The following RPS6KA5 variants were observed in gnomAD, a reference collection of about 807,000 sequenced individuals.
RPS6KA5 encodes the protein ribosomal protein S6 kinase alpha-5.
A neutral mutation model predicts 85.5 loss-of-function variants in RPS6KA5; 27 were observed. That is an observed-to-expected ratio of 0.32 (90% CI 0.23 to 0.44). The LOEUF is 0.44. RPS6KA5 is among the 20% of genes least tolerant of loss of function. The pLI is 1.00. For synonymous variants in RPS6KA5, 334 were observed against 348.2 expected, an observed-to-expected ratio of 0.96 and a Z score of 0.46; for missense variants, 811 against 980.9, an observed-to-expected ratio of 0.83 and a Z score of 2.31.
At chr14:91,058,288 C>T (rs990415550) in intron 1 of RPS6KA5, among the ~76,000 whole-genome samples, 1 of 152,202 alleles carries the variant, frequency 6.6e-6, no homozygotes, top group Non-Finnish European at 1.5e-5. Context: ...ATCTCACCAT[C>T]CATCAGAAAA....
rs145647973 is a variant in RPS6KA5, at chr14:91,059,652, T to A, written c.103+680A>T. ...AACGTAAGCGCTGAAGCCTGCTCGT[T>A]AGTTCCTTTTACCTGGAGCTTTAAA... On this transcript the variant is annotated intron_variant, in intron 1 of 16. Coordinates refer to ENST00000614987, the MANE Select transcript of RPS6KA5 (RefSeq NM_004755.4). Among the ~76,000 whole-genome samples the A allele has an allele frequency of 2.0e-5, 3 of 152,346 alleles. No homozygotes were observed. In the East Asian group the frequency reaches 5.8e-4, roughly 29 times the overall value.
chr14:90,997,973 A>G (rs535275979), intron 2 of RPS6KA5, among the ~76,000 whole-genome samples: 94 of 138,310 alleles, frequency 6.8e-4, no homozygotes, highest in Non-Finnish European at 1.1e-3. Context: ...GCGCCACTGC[A>G]CTCCAACCTG....
At position 90,863,302 on chromosome 14, in the gene RPS6KA5, C is replaced by CAAAAAAAAAAAAAAAAA. The variant is rs61230626; in HGVS notation, c.*8755_*8771dup. The stretch of plus-strand genomic sequence containing the variant: ...TGGGTGGCAGAGCGAGACTCCGTCT[C>CAAAAAAAAAAAAAAAAA]AAAAAAAAAAAAAAAAAAAAAAAAA... On this transcript the variant is annotated 3_prime_UTR_variant, in exon 17 of 17. Coordinates refer to ENST00000614987, the MANE Select transcript of RPS6KA5 (RefSeq NM_004755.4). 20 of 24,790 alleles carry CAAAAAAAAAAAAAAAAA rather than the reference C, an allele frequency of 8.1e-4. No homozygotes were observed. The highest frequency in any genetic ancestry group is 1.6e-3 in the Non-Finnish European group (18 of 11,450). 1.5% of individuals were successfully genotyped at this position (24,790 alleles called of 1,614,324 possible). A position where few individuals can be genotyped will look rare whatever the true frequency, so the allele number is the denominator to read the frequency against.
intron 5 of RPS6KA5, among the ~76,000 whole-genome samples, chr14:90,924,762 C>T (rs949763943): frequency 1.3e-5 from 2 of 152,190 alleles, no homozygotes; most frequent in African/African-American, 2.4e-5. Context: ...GGCTTCATTG[C>T]TCCTTAGAGA....
intron 7 of RPS6KA5, among the ~76,000 whole-genome samples, chr14:90,911,660 A>G (rs368552332): frequency 4.5e-4 from 69 of 152,386 alleles, no homozygotes; most frequent in African/African-American, 1.6e-3. Flanking sequence ...TTATGTTTAC[A>G]GAGAGTTTTC....
chr14:91,026,353 C>T (rs2041990257), intron 1 of RPS6KA5, among the ~76,000 whole-genome samples: 1 of 152,108 alleles, frequency 6.6e-6, no homozygotes, highest in South Asian at 2.1e-4. Context: ...ACCTCAGCTT[C>T]CCTAGGAGCT....
At chr14:91,021,850 A>T (rs1382753364) in intron 1 of RPS6KA5, among the ~76,000 whole-genome samples, 2 of 151,810 alleles carry the variant, frequency 1.3e-5, no homozygotes, top group Non-Finnish European at 2.9e-5. Flanking sequence ...TGAGAACTTC[A>T]TTTGTTCTCT....
chr14:90,954,873 C>T (rs963437412), intron 3 of RPS6KA5, among the ~76,000 whole-genome samples: 3 of 152,174 alleles, frequency 2.0e-5, no homozygotes, highest in Non-Finnish European at 2.9e-5. Context: ...ACATAAATAA[C>T]AAAACTGTAT....
intron 1 of RPS6KA5, among the ~76,000 whole-genome samples, chr14:91,047,249 G>A (rs1301161336): frequency 6.6e-6 from 1 of 152,004 alleles, no homozygotes; most frequent in Admixed American, 6.6e-5. Flanking sequence ...AAAGAACAAG[G>A]GCACAAAACA....
chr14:90,911,244 C>T (rs2035803196), intron 7 of RPS6KA5: 1 of 152,156 alleles, frequency 6.6e-6, no homozygotes, highest in African/African-American at 2.4e-5. Context: ...TAGCACATAG[C>T]AACTCCTCAA....
At chr14:90,905,587 CATT>C (rs1485716089) in intron 8 of RPS6KA5, among the ~76,000 whole-genome samples, 4 of 152,072 alleles carry the variant, frequency 2.6e-5, no homozygotes, top group African/African-American at 9.7e-5. Context: ...AGAATGGTCT[CATT>C]AGGCTTTTTC....
At chr14:91,025,353 T>G (rs1362301153) in intron 1 of RPS6KA5, among the ~76,000 whole-genome samples, 2 of 152,206 alleles carry the variant, frequency 1.3e-5, no homozygotes, top group Admixed American at 6.6e-5. Context: ...CTCCTTTTTT[T>G]CATTGAGTCT....
chr14:90,929,555 G>A lies in RPS6KA5; in HGVS notation c.619-6359C>T, dbSNP rs532221416. On this transcript the variant is annotated intron_variant, in intron 5 of 16. Coordinates refer to ENST00000614987, the MANE Select transcript of RPS6KA5 (RefSeq NM_004755.4). ...AATAGAAATAAGTCTAATAATATAT[G>A]TATAAAATATTACAGATAATAGTAC... 4.6e-5 allele frequency among the ~76,000 whole-genome samples: 7 copies of A among 152,138 alleles called. No individual in the cohort carries two copies. The East Asian group carries it at 1.3e-3, about 29-fold the overall frequency.
At chr14:91,017,535 A>G (rs1244862451) in intron 1 of RPS6KA5, among the ~76,000 whole-genome samples, 1 of 152,188 alleles carries the variant, frequency 6.6e-6, no homozygotes, top group African/African-American at 2.4e-5. Context: ...CCTCTGGAAG[A>G]CTCAGGTACA....
intron 3 of RPS6KA5, among the ~76,000 whole-genome samples, chr14:90,976,788 A>G (rs950743083): frequency 2.6e-5 from 4 of 152,228 alleles, no homozygotes; most frequent in African/African-American, 9.6e-5. Flanking sequence ...ATAAAGATTT[A>G]GAATTGTTAA....
chr14:91,016,648 G>A (rs2041509980), intron 1 of RPS6KA5, among the ~76,000 whole-genome samples: 2 of 151,972 alleles, frequency 1.3e-5, no homozygotes, highest in Admixed American at 6.6e-5. Flanking sequence ...ATAAAGTGAG[G>A]GATGCACAGC....
intron 12 of RPS6KA5, 49 bp from the exon 13 acceptor site, chr14:90,894,632 T>C: frequency 1.3e-6 from 2 of 1,579,028 alleles, no homozygotes; most frequent in Non-Finnish European, 1.7e-6. Context: ...AGCACAGAAG[T>C]CTATTAACAT....
At chr14:91,028,850 G>A (rs946523123) in intron 1 of RPS6KA5, among the ~76,000 whole-genome samples, 2 of 152,082 alleles carry the variant, frequency 1.3e-5, no homozygotes, top group South Asian at 4.1e-4. Context: ...TAATATACAC[G>A]CACATGGGTT....
In RPS6KA5 at chr14:90,982,169, G is replaced by A. The variant is rs542534662; in HGVS notation, c.176-3645C>T. 3.9e-5 allele frequency among the ~76,000 whole-genome samples: 6 copies of A among 152,226 alleles called. No individual in the cohort carries two copies. In the South Asian group the frequency reaches 1.2e-3, roughly 32 times the overall value. Reference sequence around the variant, plus strand: ...CAACTGGATGAATGACTGCCTGCAAGTGCAGCCAACTCCTGCCTTTCATTC... The same window carrying A: ...CAACTGGATGAATGACTGCCTGCAAATGCAGCCAACTCCTGCCTTTCATTC... On this transcript the variant is annotated intron_variant, in intron 2 of 16. Transcript: ENST00000614987.
Sources: allele counts gnomAD v4.1 joint callset (sites outside exome capture counted in the v4.1 genomes callset), GRCh38; gene constraint gnomAD v4.1.1; transcripts MANE v1.5; gene names NCBI Gene and HGNC (gene_info 2026-07-23, HGNC 2026-07-21).